RFPL1: variants seen among roughly 807,000 people sequenced by gnomAD.
RFPL1 encodes the protein ret finger protein like 1, also known as ret finger protein-like 1.
RFPL1 carries 6 observed loss-of-function variants against 9.6 expected under a neutral mutation model. The ratio of observed to expected loss-of-function variants is 0.62; its 90% CI spans 0.34 to 1.23. The LOEUF is 1.23. Among genes scored for constraint, RFPL1 ranks in the 50% most tolerant of loss-of-function variants. RFPL1 has a pLI of 0.03. For missense variants in RFPL1, 352 were observed against 398.4 expected (o/e 0.88, Z 0.99); for synonymous variants, 145 against 149.4 (o/e 0.97, Z 0.22).
chr22:29,435,410 C>T (rs2062803911), upstream of RFPL1, among the ~76,000 whole-genome samples: 1 of 152,244 alleles, frequency 6.6e-6, no homozygotes, highest in African/African-American at 2.4e-5. Context: ...GTCATTCTCA[C>T]ACTCTTTACG....
chr22:29,414,897 A>G, the RFPL1 span, among the ~76,000 whole-genome samples: 1 of 150,614 alleles, frequency 6.6e-6, no homozygotes, highest in Non-Finnish European at 1.5e-5. Context: ...TTATCTTTCT[A>G]CTTTCTTCTG....
At chr22:29,424,845 G>A in the RFPL1 span, among the ~76,000 whole-genome samples, 3 of 29,116 alleles carry the variant, frequency 1.0e-4, no homozygotes, top group African/African-American at 1.4e-4. Flanking sequence ...CCCCCCCCCC[G>A]CAAAATTGAG....
chr22:29,442,000 C>G (rs755818358), exon 2 of RFPL1: 2 of 1,613,950 alleles, frequency 1.2e-6, no homozygotes, highest in South Asian at 1.1e-5. Context: ...TGCTGAGGAG[C>G]CACTGCACTT....
the RFPL1 span, among the ~76,000 whole-genome samples, chr22:29,413,675 T>C: frequency 1.3e-5 from 2 of 152,234 alleles, no homozygotes; most frequent in Non-Finnish European, 2.9e-5. Flanking sequence ...ACATATTTAT[T>C]CAACTTTTAA....
the RFPL1 span, among the ~76,000 whole-genome samples, chr22:29,408,032 T>C: frequency 1.4e-4 from 21 of 152,386 alleles, no homozygotes; most frequent in East Asian, 3.7e-3. Flanking sequence ...TCATTGAATG[T>C]AATCTCATTA....
At chr22:29,438,924 G>A in exon 1 of RFPL1, 1 of 1,613,992 alleles carries the variant, frequency 6.2e-7, no homozygotes, top group Non-Finnish European at 8.5e-7. Flanking sequence ...CGTCTGCTCA[G>A]ACTATCTAGA....
the RFPL1 span, among the ~76,000 whole-genome samples, chr22:29,410,179 A>T: frequency 6.8e-6 from 1 of 146,754 alleles, no homozygotes; most frequent in Non-Finnish European, 1.5e-5. Context: ...TATTGTAGGC[A>T]AAGGAGAGAC....
the RFPL1 span, among the ~76,000 whole-genome samples, chr22:29,391,794 G>A: frequency 2.0e-5 from 3 of 152,216 alleles, no homozygotes; most frequent in Admixed American, 6.5e-5. Context: ...CCCAGTGCAA[G>A]GGAGCCAGGT....
chr22:29,433,219 G>A, the RFPL1 span: 1 of 151,552 alleles, frequency 6.6e-6, no homozygotes, highest in African/African-American at 2.4e-5. Flanking sequence ...TTGAACCCAG[G>A]GGCAAAGGCT....
At chr22:29,418,493 CTTCTTTT>C in the RFPL1 span, among the ~76,000 whole-genome samples, 1 of 143,264 alleles carries the variant, frequency 7.0e-6, no homozygotes, top group Non-Finnish European at 1.5e-5. Context: ...TCTTCTTCGT[CTTCTTTT>C]TTTTTTTTTT....
chr22:29,408,303 G>C, the RFPL1 span, among the ~76,000 whole-genome samples: 1 of 152,184 alleles, frequency 6.6e-6, no homozygotes, highest in South Asian at 2.1e-4. Flanking sequence ...GCCCTAGCTG[G>C]AAAGCCAAGG....
chr22:29,426,395 C>T, the RFPL1 span, among the ~76,000 whole-genome samples: 10 of 152,030 alleles, frequency 6.6e-5, no homozygotes, highest in African/African-American at 2.2e-4. Flanking sequence ...TTTAGAGACA[C>T]GAATGGAATA....
the RFPL1 span, among the ~76,000 whole-genome samples, chr22:29,392,742 G>A: frequency 6.6e-6 from 1 of 152,170 alleles, no homozygotes; most frequent in Non-Finnish European, 1.5e-5. Flanking sequence ...CATGTAGCGT[G>A]GCAGGTAGTG....
At chr22:29,426,098 G>A in the RFPL1 span, among the ~76,000 whole-genome samples, 2,338 of 152,154 alleles carry the variant, frequency 0.015, 51 homozygotes, top group African/African-American at 0.054. Context: ...CAAGGCGGGC[G>A]GATCGCCTGA....
exon 2 of RFPL1, chr22:29,442,011 G>A: frequency 6.2e-7 from 1 of 1,614,018 alleles, no homozygotes; most frequent in Non-Finnish European, 8.5e-7. Context: ...CACTGCACTT[G>A]TTTTTTGCTC....
the RFPL1 span, among the ~76,000 whole-genome samples, chr22:29,392,914 C>A: frequency 6.6e-6 from 1 of 152,184 alleles, no homozygotes; most frequent in Non-Finnish European, 1.5e-5. Context: ...GAGTTTCATT[C>A]ATTCTCCTAA....
chr22:29,438,431 C>A, upstream of RFPL1: 1 of 288,744 alleles, frequency 3.5e-6, no homozygotes, highest in Admixed American at 4.9e-5. Context: ...GATCCACTCA[C>A]GTCAGCCTCC....
exon 1 of RFPL1, chr22:29,438,826 T>C: frequency 6.2e-7 from 1 of 1,613,944 alleles, no homozygotes; most frequent in South Asian, 1.1e-5. Context: ...ACTAACAGGC[T>C]TTCACCTCAC....
At chr22:29,403,864 G>A in the RFPL1 span, among the ~76,000 whole-genome samples, 1 of 152,150 alleles carries the variant, frequency 6.6e-6, no homozygotes, top group African/African-American at 2.4e-5. Context: ...AGGGGAATTT[G>A]GCACAATCTC....
Sources: allele counts gnomAD v4.1 joint callset (sites outside exome capture counted in the v4.1 genomes callset), GRCh38; gene constraint gnomAD v4.1.1; transcripts MANE v1.5; gene names NCBI Gene and HGNC (gene_info 2026-07-23, HGNC 2026-07-21).